GRAMD2B: variants seen among roughly 807,000 people sequenced by gnomAD.
GRAMD2B encodes GRAM domain-containing protein 2B.
In GRAMD2B, 41 loss-of-function variants were observed where a neutral mutation model predicts 59.2. The ratio of observed to expected loss-of-function variants is 0.69; its 90% CI spans 0.54 to 0.90. The LOEUF is 0.90. GRAMD2B is among the 40% of genes least tolerant of loss of function. The pLI is 0.00. For missense variants in GRAMD2B, 424 were observed against 500.5 expected (o/e 0.85, Z 1.46); for synonymous variants, 161 against 182.7 (o/e 0.88, Z 0.96).
At chr5:126,466,241 T>C in intron 2 of GRAMD2B, 1 of 1,548,218 alleles carries the variant, frequency 6.5e-7, no homozygotes, top group South Asian at 1.2e-5. Context: ...CTTCTTTTGG[T>C]CTTTGCTAAA....
At chr5:126,455,051 G>A (rs1766034077) in intron 1 of GRAMD2B, among the ~76,000 whole-genome samples, 1 of 152,152 alleles carries the variant, frequency 6.6e-6, no homozygotes, top group Non-Finnish European at 1.5e-5. Flanking sequence ...TAACCTTGGT[G>A]TTCTTGGATG....
intron 1 of GRAMD2B, among the ~76,000 whole-genome samples, chr5:126,388,560 C>A (rs941201655): frequency 4.0e-5 from 6 of 151,528 alleles, no homozygotes; most frequent in African/African-American, 1.5e-4. Flanking sequence ...TGGAATCAAT[C>A]ATTGATTCCT....
intron 1 of GRAMD2B, among the ~76,000 whole-genome samples, chr5:126,402,390 G>C (rs1019613965): frequency 1.3e-5 from 2 of 152,012 alleles, no homozygotes; most frequent in African/African-American, 2.4e-5. Flanking sequence ...GGCTAACCTA[G>C]GAAGGAAATA....
intron 1 of GRAMD2B, among the ~76,000 whole-genome samples, chr5:126,425,296 C>T (rs1760420155): frequency 6.6e-6 from 1 of 152,190 alleles, no homozygotes; most frequent in Non-Finnish European, 1.5e-5. Flanking sequence ...ATCTAAGTGT[C>T]TATCAATGGA....
intron 6 of GRAMD2B, among the ~76,000 whole-genome samples, chr5:126,479,386 G>A (rs1771279826): frequency 6.6e-6 from 1 of 151,930 alleles, no homozygotes; most frequent in Non-Finnish European, 1.5e-5. Flanking sequence ...GAGAGGAGAA[G>A]AAAGAAGGAA....
intron 1 of GRAMD2B, among the ~76,000 whole-genome samples, chr5:126,438,638 C>T (rs1762792752): frequency 6.6e-6 from 1 of 152,074 alleles, no homozygotes; most frequent in South Asian, 2.1e-4. Context: ...TGTCTAGGCA[C>T]CGTTGAGGGC....
intron 1 of GRAMD2B, among the ~76,000 whole-genome samples, chr5:126,402,918 C>T (rs1355277956): frequency 6.6e-6 from 1 of 151,998 alleles, no homozygotes; most frequent in Non-Finnish European, 1.5e-5. Context: ...AATATTCCTT[C>T]TCTTTTCCAT....
intron 1 of GRAMD2B, among the ~76,000 whole-genome samples, chr5:126,457,470 A>G (rs1168554084): frequency 6.6e-6 from 1 of 151,964 alleles, no homozygotes; most frequent in Non-Finnish European, 1.5e-5. Context: ...CCTGCCTCTA[A>G]AAATACAAAA....
At chr5:126,432,328 C>T (rs11241891) in intron 1 of GRAMD2B, among the ~76,000 whole-genome samples, 40,527 of 152,016 alleles carry the variant, frequency 0.27, 5,476 homozygotes, top group Middle Eastern at 0.33. Context: ...TTTCACATTA[C>T]GCCCAACTTG....
At chr5:126,475,165 T>A (rs115184080) in intron 5 of GRAMD2B, among the ~76,000 whole-genome samples, 2,727 of 152,284 alleles carry the variant, frequency 0.018, 79 homozygotes, top group African/African-American at 0.061. Context: ...AATCCGGACC[T>A]TTTTAGTCAG....
At chr5:126,466,333 A>G (rs1373439712) in intron 2 of GRAMD2B, 1 of 1,361,384 alleles carries the variant, frequency 7.3e-7, no homozygotes, top group East Asian at 2.5e-5. Flanking sequence ...ATTCAGGACC[A>G]AGAGTAAGTC....
intron 6 of GRAMD2B, among the ~76,000 whole-genome samples, chr5:126,478,509 A>G (rs937039439): frequency 6.6e-6 from 1 of 152,116 alleles, no homozygotes; most frequent in African/African-American, 2.4e-5. Flanking sequence ...GGGAGGCCCA[A>G]ATGGGCAGAT....
upstream of GRAMD2B, chr5:126,371,270 C>T (rs1754736534): frequency 9.1e-7 from 1 of 1,097,002 alleles, no homozygotes. Context: ...ATATGTTAAT[C>T]ATTAACTGAC....
At chr5:126,464,644 A>G (rs1482110136) in intron 1 of GRAMD2B, among the ~76,000 whole-genome samples, 1 of 152,186 alleles carries the variant, frequency 6.6e-6, no homozygotes, top group Non-Finnish European at 1.5e-5. Context: ...CCTATTGATC[A>G]TGACTGTAAG....
chr5:126,372,580 A>G (rs1754855416), intron 1 of GRAMD2B, among the ~76,000 whole-genome samples: 1 of 152,164 alleles, frequency 6.6e-6, no homozygotes, highest in African/African-American at 2.4e-5. Flanking sequence ...AGTTTTAGAG[A>G]CCAAAAAAGT....
At chr5:126,360,418 C>G (rs931146364) in exon 1 of GRAMD2B, 1 of 1,551,310 alleles carries the variant, frequency 6.4e-7, no homozygotes, top group Non-Finnish European at 8.7e-7. Context: ...AGAGTATGTT[C>G]CACGGGAGAG....
chr5:126,472,161 T>G, intron 3 of GRAMD2B, 77 bp from the exon 4 acceptor site: 1 of 1,136,308 alleles, frequency 8.8e-7, no homozygotes, highest in Non-Finnish European at 1.3e-6. Context: ...GGAGGGAAAA[T>G]TTGTTGTTGA....
At chr5:126,377,189 C>A (rs1755265794) in intron 1 of GRAMD2B, among the ~76,000 whole-genome samples, 1 of 149,730 alleles carries the variant, frequency 6.7e-6, no homozygotes, top group East Asian at 2.0e-4. Context: ...TTCCTATGCC[C>A]TTTCAAGATG....
At chr5:126,461,987 G>T (rs1023817737) in intron 1 of GRAMD2B, among the ~76,000 whole-genome samples, 4 of 152,168 alleles carry the variant, frequency 2.6e-5, no homozygotes, top group African/African-American at 9.6e-5. Flanking sequence ...CCAAGTAAAG[G>T]TTGGTCCTGT....
Sources: gnomAD v4.1 joint callset for allele counts (sites outside exome capture counted in the v4.1 genomes callset) on GRCh38, gnomAD v4.1.1 for gene constraint, MANE v1.5 for transcripts, NCBI Gene and HGNC (gene_info 2026-07-23, HGNC 2026-07-21) for gene names.